Variants in ZNF804B observed in about 807,000 individuals in gnomAD.
ZNF804B encodes the protein zinc finger protein 804B.
Under a neutral mutation model 101.4 loss-of-function variants are expected in ZNF804B, and 80 were observed. The observed-to-expected ratio is 0.79, with a 90% confidence interval of 0.66 to 0.95. ZNF804B has a LOEUF of 0.95. Ranked by LOEUF, ZNF804B falls within the 40% of genes least tolerant of loss-of-function variation. The pLI is 0.00. For missense variants in ZNF804B, 1,673 were observed against 1,561.9 expected, an observed-to-expected ratio of 1.07 and a Z score of -1.20; for synonymous variants, 622 against 558.8, an observed-to-expected ratio of 1.11 and a Z score of -1.59.
At chr7:88,877,180 C>T (rs1306425552) in intron 1 of ZNF804B, among the ~76,000 whole-genome samples, 1 of 147,584 alleles carries the variant, frequency 6.8e-6, no homozygotes, top group East Asian at 2.0e-4. Flanking sequence ...ATGCCTCAGC[C>T]TCCTGAGTAG....
intron 1 of ZNF804B, among the ~76,000 whole-genome samples, chr7:89,150,016 A>G (rs893309822): frequency 6.6e-6 from 1 of 152,018 alleles, no homozygotes; most frequent in Non-Finnish European, 1.5e-5. Context: ...CTTGCAGTCA[A>G]CCTTGATCCA....
At chr7:89,090,832 A>G (rs993962010) in intron 1 of ZNF804B, among the ~76,000 whole-genome samples, 1 of 152,098 alleles carries the variant, frequency 6.6e-6, no homozygotes, top group African/African-American at 2.4e-5. Flanking sequence ...AAAAATATAC[A>G]TATACCCACA....
chr7:89,326,220 G>C (rs762962348), intron 2 of ZNF804B, among the ~76,000 whole-genome samples: 2 of 151,910 alleles, frequency 1.3e-5, no homozygotes, highest in African/African-American at 4.8e-5. Flanking sequence ...TTCTAATTCC[G>C]TGAGGTTCTT....
intron 1 of ZNF804B, among the ~76,000 whole-genome samples, chr7:88,995,094 A>T (rs753621783): frequency 2.6e-5 from 4 of 152,060 alleles, no homozygotes; most frequent in Non-Finnish European, 5.9e-5. Context: ...AGGTCCTTGC[A>T]TATCGCCTGC....
chr7:88,809,577 G>T (rs1319593456), intron 1 of ZNF804B, among the ~76,000 whole-genome samples: 1 of 152,102 alleles, frequency 6.6e-6, no homozygotes, highest in Non-Finnish European at 1.5e-5. Flanking sequence ...TTTATAAATT[G>T]ATTTTAAAAA....
At chr7:88,912,133 CTCA>C (rs752693299) in intron 1 of ZNF804B, among the ~76,000 whole-genome samples, 3 of 151,944 alleles carry the variant, frequency 2.0e-5, no homozygotes, top group Non-Finnish European at 4.4e-5. Context: ...ATTTTGCACT[CTCA>C]TCAGAAATAT....
At chr7:89,284,076 G>A (rs1228098135) in intron 2 of ZNF804B, among the ~76,000 whole-genome samples, 1 of 152,036 alleles carries the variant, frequency 6.6e-6, no homozygotes. Context: ...ACCATACATA[G>A]CCCCATTCAC....
chr7:89,044,844 A>G (rs1021897589), intron 1 of ZNF804B, among the ~76,000 whole-genome samples: 1 of 152,228 alleles, frequency 6.6e-6, no homozygotes, highest in African/African-American at 2.4e-5. Context: ...ATAGAAAAGA[A>G]AACCCCATTT....
intron 2 of ZNF804B, among the ~76,000 whole-genome samples, chr7:89,283,103 G>C (rs923656618): frequency 9.9e-5 from 15 of 151,902 alleles, no homozygotes; most frequent in Middle Eastern, 6.4e-3. Flanking sequence ...ACTCTGAAAA[G>C]ACAAAAATTT....
At chr7:88,927,151 T>C (rs1313797306) in intron 1 of ZNF804B, among the ~76,000 whole-genome samples, 2 of 152,168 alleles carry the variant, frequency 1.3e-5, no homozygotes, top group Non-Finnish European at 2.9e-5. Context: ...ATCTATAAGC[T>C]GTATATGGTA....
Position 88,759,968 on chromosome 7 carries a change from C to T in ZNF804B, c.-9C>T. On this transcript the variant is annotated 5_prime_UTR_variant, in exon 1 of 4. Coordinates refer to ENST00000333190, the MANE Select transcript of ZNF804B (RefSeq NM_181646.5). ...GGAGTTGAGACTCTGCGCCTCCGCCCGGACCCACATGGCTTGTTACCTGGT... is the reference window on the plus strand; with the variant it reads ...GGAGTTGAGACTCTGCGCCTCCGCCTGGACCCACATGGCTTGTTACCTGGT... 1.2e-6 allele frequency: 2 copies of T among 1,613,572 alleles called. No homozygotes were observed. Among genetic ancestry groups the T allele is most frequent in the South Asian group, 2.2e-5 (2 of 91,068 alleles).
chr7:88,879,235 A>G (rs1247106180), intron 1 of ZNF804B, among the ~76,000 whole-genome samples: 1 of 152,128 alleles, frequency 6.6e-6, no homozygotes, highest in South Asian at 2.1e-4. Flanking sequence ...GATGTGTACA[A>G]TTTAAAGGGC....
intron 1 of ZNF804B, among the ~76,000 whole-genome samples, chr7:89,098,873 T>G (rs560488475): frequency 3.9e-5 from 6 of 152,002 alleles, no homozygotes; most frequent in Admixed American, 3.9e-4. Flanking sequence ...CTGCCTAAAC[T>G]TCACTAAATT....
rs1223927867 is a variant in ZNF804B at position 89,334,946 on chromosome 7, A to C, written c.1964A>C (p.Asn655Thr). 18 of 1,613,950 alleles carry C rather than the reference A, an allele frequency of 1.1e-5. No homozygotes were observed. Among genetic ancestry groups the C allele is most frequent in the Non-Finnish European group, 1.3e-5 (15 of 1,179,894 alleles). Residue 655 changes from asparagine (N) to threonine (T), a missense_variant, in exon 4 of 4, where the codon AAC becomes ACC. Transcript: ENST00000333190. ...GAATTTGAAGATGAAAGACAATTCAACTGCAAGTCCAGTCCTTGTACAGTA... is the reference window on the plus strand; with the variant it reads ...GAATTTGAAGATGAAAGACAATTCACCTGCAAGTCCAGTCCTTGTACAGTA... The part of the protein sequence containing the change: ...HLEFEDERQF[N>T]CKSSPCTVGG...
chr7:89,218,853 A>G (rs1788935434), intron 2 of ZNF804B, among the ~76,000 whole-genome samples: 1 of 152,128 alleles, frequency 6.6e-6, no homozygotes, highest in African/African-American at 2.4e-5. Flanking sequence ...ATCATCATAA[A>G]GGTCTTCATC....
chr7:88,824,340 A>G (rs1053080680), intron 1 of ZNF804B, among the ~76,000 whole-genome samples: 8 of 152,258 alleles, frequency 5.3e-5, no homozygotes, highest in African/African-American at 1.7e-4. Flanking sequence ...TGGTTACATA[A>G]GAGGCATTTC....
chr7:88,924,609 T>C (rs866956885), intron 1 of ZNF804B, among the ~76,000 whole-genome samples: 1 of 152,176 alleles, frequency 6.6e-6, no homozygotes, highest in Non-Finnish European at 1.5e-5. Context: ...GACAAGCCTT[T>C]GTATTAAGTC....
intron 1 of ZNF804B, among the ~76,000 whole-genome samples, chr7:88,796,060 G>A (rs1490000845): frequency 6.6e-6 from 1 of 151,990 alleles, no homozygotes; most frequent in African/African-American, 2.4e-5. Context: ...CTATCTAATG[G>A]TGAATATATG....
At chr7:89,245,131 C>T (rs568471219) in intron 2 of ZNF804B, among the ~76,000 whole-genome samples, 1 of 152,116 alleles carries the variant, frequency 6.6e-6, no homozygotes, top group East Asian at 1.9e-4. Context: ...AAGATGTTAA[C>T]ATACTGAAAA....
Sources: gnomAD v4.1 joint callset for allele counts (sites outside exome capture counted in the v4.1 genomes callset) on GRCh38, gnomAD v4.1.1 for gene constraint, MANE v1.5 for transcripts, NCBI Gene and HGNC (gene_info 2026-07-23, HGNC 2026-07-21) for gene names.